Variants in IL1RAP observed in about 807,000 individuals in gnomAD.
IL1RAP encodes interleukin 1 receptor accessory protein.
Under a neutral mutation model 60.7 loss-of-function variants are expected in IL1RAP, and 35 were observed. The observed-to-expected ratio is 0.58, with a 90% confidence interval of 0.44 to 0.76. The LOEUF (loss-of-function observed/expected upper bound fraction) is 0.76, where lower values mean the gene tolerates loss of function less well. Among genes scored for constraint, IL1RAP ranks in the 30% least tolerant of loss-of-function variants. The probability of loss-of-function intolerance (pLI) is 0.00; values close to 1 mark genes in which losing one functional copy is unlikely to be tolerated. For synonymous variants in IL1RAP, 268 were observed against 250.9 expected (o/e 1.07, Z -0.64); for missense variants, 572 against 693.9 (o/e 0.82, Z 1.97).
At chr3:190,560,517 C>A (rs1462312828) in intron 2 of IL1RAP, among the ~76,000 whole-genome samples, 1 of 152,160 alleles carries the variant, frequency 6.6e-6, no homozygotes. Flanking sequence ...GAGCACCAGG[C>A]TGAAGGCCTA....
chr3:190,560,844 T>C (rs529008623), intron 2 of IL1RAP, among the ~76,000 whole-genome samples: 2 of 152,334 alleles, frequency 1.3e-5, no homozygotes, highest in African/African-American at 4.8e-5. Context: ...ATCTTTAACA[T>C]TGTCGTCGAT....
intron 4 of IL1RAP, among the ~76,000 whole-genome samples, chr3:190,604,777 A>G (rs6444441): frequency 0.053 from 8,032 of 152,178 alleles, 672 homozygotes; most frequent in African/African-American, 0.18. Flanking sequence ...GCCCATTTGT[A>G]TCTGTTTTTC....
At chr3:190,557,658 T>C (rs907016468) in intron 2 of IL1RAP, among the ~76,000 whole-genome samples, 1 of 152,226 alleles carries the variant, frequency 6.6e-6, no homozygotes, top group South Asian at 2.1e-4. Flanking sequence ...GACAAGGCTG[T>C]GTTATTTTCA....
intron 3 of IL1RAP, among the ~76,000 whole-genome samples, chr3:190,570,496 A>G: frequency 6.6e-6 from 1 of 152,262 alleles, no homozygotes; most frequent in East Asian, 1.9e-4. Context: ...AGGGTCTGAA[A>G]TAGTTTAAGG....
chr3:190,592,306 G>A (rs1190328956), intron 3 of IL1RAP, among the ~76,000 whole-genome samples: 4 of 152,170 alleles, frequency 2.6e-5, no homozygotes, highest in African/African-American at 9.7e-5. Flanking sequence ...CTATCCCCTG[G>A]TGCCACTTTG....
downstream of IL1RAP, chr3:190,655,834 T>C: frequency 7.8e-7 from 1 of 1,286,906 alleles, no homozygotes; most frequent in South Asian, 1.3e-5. Flanking sequence ...AATAACGAAC[T>C]GGAATATATG....
intron 3 of IL1RAP, among the ~76,000 whole-genome samples, chr3:190,595,460 A>G (rs1577685584): frequency 6.6e-6 from 1 of 152,266 alleles, no homozygotes; most frequent in Non-Finnish European, 1.5e-5. Context: ...TTGCTAGCCA[A>G]CTTAACCAGT....
chr3:190,594,756 CAAG>C (rs1729238476), intron 3 of IL1RAP, among the ~76,000 whole-genome samples: 1 of 152,148 alleles, frequency 6.6e-6, no homozygotes, highest in African/African-American at 2.4e-5. Flanking sequence ...ATGTCTGACA[CAAG>C]AAGTGGTTTG....
chr3:190,538,812 T>C (rs1723687866), intron 1 of IL1RAP, among the ~76,000 whole-genome samples: 1 of 152,092 alleles, frequency 6.6e-6, no homozygotes, highest in Non-Finnish European at 1.5e-5. Flanking sequence ...TTTCTTGTGA[T>C]AGCAAGTGAG....
intron 1 of IL1RAP, among the ~76,000 whole-genome samples, chr3:190,529,857 CAAAA>C (rs56743516): frequency 1.6e-4 from 12 of 75,954 alleles, no homozygotes; most frequent in East Asian, 3.7e-4. Context: ...GACTCTGACT[CAAAA>C]AAAAAAAAAA....
intron 3 of IL1RAP, among the ~76,000 whole-genome samples, chr3:190,583,671 G>T (rs143118870): frequency 8.2e-4 from 125 of 152,284 alleles, no homozygotes; most frequent in African/African-American, 2.8e-3. Context: ...CAAACTGAGA[G>T]AAATTGCTTC....
rs1201368575 is a variant in IL1RAP, at chr3:190,651,345, G to A, written c.*2640G>A. 1.1e-6 allele frequency: 1 copy of A among 897,556 alleles called. No individual in the cohort carries two copies. The highest frequency in any genetic ancestry group is 1.2e-4 in the East Asian group (1 of 8,392). 55.6% of individuals were successfully genotyped at this position (897,556 alleles called of 1,614,324 possible). A position where few individuals can be genotyped will look rare whatever the true frequency, so the allele number is the denominator to read the frequency against. On this transcript the variant is annotated 3_prime_UTR_variant, in exon 12 of 12. Transcript: ENST00000447382. ...GACTCTAATAAAAAATCACTTCATT[G>A]TATTTGGAAACAAAAACATCATTCA...
At position 190,649,769 on chromosome 3, in the gene IL1RAP, A is replaced by G. The variant is rs745727710; in HGVS notation, c.*1064A>G. ...GAATTAACTGTATTTCCTGTCACCT[A>G]TTCACTAGTGCAGGAAATATACTTG... On this transcript the variant is annotated 3_prime_UTR_variant, in exon 12 of 12. Coordinates refer to ENST00000447382, the MANE Select transcript of IL1RAP (RefSeq NM_002182.4). 17 of 985,380 alleles carry G rather than the reference A, an allele frequency of 1.7e-5. No individual in the cohort carries two copies. Among genetic ancestry groups the G allele is most frequent in the Non-Finnish European group, 1.8e-5 (15 of 829,854 alleles). 61.0% of individuals were successfully genotyped at this position (985,380 alleles called of 1,614,324 possible). A position where few individuals can be genotyped will look rare whatever the true frequency, so the allele number is the denominator to read the frequency against.
rs144221301 is a variant in IL1RAP at position 190,541,566 on chromosome 3, C to T, written c.-88-14564C>T. Among the ~76,000 whole-genome samples, 504 of 152,178 alleles carry T rather than the reference C, an allele frequency of 3.3e-3. 1 individual carries two copies. The highest frequency in any genetic ancestry group is 0.017 in the Middle Eastern group (5 of 294). The stretch of plus-strand genomic sequence containing the variant: ...TTTGGCCTTGTGGTAACAAATTATA[C>T]GCCTCCAAGTTGGAATCTGATTTGA... On this transcript the variant is annotated intron_variant, in intron 1 of 11. Coordinates refer to ENST00000447382, the MANE Select transcript of IL1RAP (RefSeq NM_002182.4).
At chr3:190,653,352 GTTTAC>G (rs1256093904), downstream of IL1RAP, among the ~76,000 whole-genome samples, 6 of 152,198 alleles carry the variant, frequency 3.9e-5, no homozygotes, top group Non-Finnish European at 2.9e-5. Context: ...AGCCCTACGA[GTTTAC>G]TTTATCATAT....
intron 1 of IL1RAP, among the ~76,000 whole-genome samples, chr3:190,555,271 A>G (rs1418994179): frequency 2.0e-5 from 3 of 148,896 alleles, no homozygotes; most frequent in African/African-American, 7.5e-5. Context: ...ATGGCGTCAC[A>G]TTGCCCAAGT....
In IL1RAP at chr3:190,648,452, T is replaced by G; in HGVS notation, c.1460T>G (p.Leu487Arg). 6.2e-7 allele frequency: 1 copy of G among 1,614,094 alleles called. No individual in the cohort carries two copies. Among genetic ancestry groups the G allele is most frequent in the South Asian group, 1.1e-5 (1 of 91,082 alleles). Reference protein sequence around the residue: ...TQALLELKAGLENMASRGNIN... With the variant: ...TQALLELKAGRENMASRGNIN... Reference sequence around the variant, plus strand: ...GCCCTCCTGGAGCTCAAGGCTGGCCTAGAAAATATGGCCTCTCGGGGCAAC... The same window carrying G: ...GCCCTCCTGGAGCTCAAGGCTGGCCGAGAAAATATGGCCTCTCGGGGCAAC... The change falls in exon 12 of 12, where the codon CTA becomes CGA. Residue 487 changes from leucine (L) to arginine (R), a missense_variant. By Grantham distance (102) the Leu-to-Arg change is moderately radical. Transcript: ENST00000447382.
At position 190,631,381 on chromosome 3, in the gene IL1RAP, C is replaced by G. The variant is rs114600080; in HGVS notation, c.1051+1883C>G. Among the ~76,000 whole-genome samples, 510 of 152,300 alleles carry G rather than the reference C, an allele frequency of 3.3e-3. 3 individuals carry two copies. Among genetic ancestry groups the G allele is most frequent in the Non-Finnish European group, 4.2e-3 (289 of 68,022 alleles). On this transcript the variant is annotated intron_variant, in intron 9 of 11. Transcript: ENST00000447382. ...CTCCCCTTTTACAGAAGCCCCTGCT[C>G]TAAATGGTGTAATAAGGACAGTGTC...
intron 5 of IL1RAP, among the ~76,000 whole-genome samples, chr3:190,614,904 G>T (rs574332762): frequency 2.6e-5 from 4 of 152,110 alleles, no homozygotes; most frequent in Non-Finnish European, 5.9e-5. Flanking sequence ...ACCGTGGGAC[G>T]TAGGTGAACC....
Sources: allele counts gnomAD v4.1 joint callset (sites outside exome capture counted in the v4.1 genomes callset), GRCh38; gene constraint gnomAD v4.1.1; transcripts MANE v1.5; gene names NCBI Gene and HGNC (gene_info 2026-07-23, HGNC 2026-07-21).